Variants in ERC2 observed in about 807,000 individuals in gnomAD.
ERC2 encodes the protein ERC protein 2.
ERC2 carries 42 observed loss-of-function variants against 114.8 expected under a neutral mutation model. The observed-to-expected ratio is 0.37, with a 90% confidence interval of 0.29 to 0.47. ERC2 has a LOEUF of 0.47. Ranked by LOEUF, ERC2 falls within the 20% of genes least tolerant of loss-of-function variation. The pLI is 0.99. For synonymous variants in ERC2, 454 were observed against 425.5 expected, an observed-to-expected ratio of 1.07 and a Z score of -0.82; for missense variants, 939 against 1,150.7, an observed-to-expected ratio of 0.82 and a Z score of 2.66.
chr3:56,063,899 T>C (rs2076352104), intron 7 of ERC2, among the ~76,000 whole-genome samples: 1 of 152,218 alleles, frequency 6.6e-6, no homozygotes, highest in African/African-American at 2.4e-5. Flanking sequence ...TATCTTTCTA[T>C]ATCATTAAAT....
chr3:55,796,958 G>C (rs2070560435), intron 14 of ERC2, among the ~76,000 whole-genome samples: 1 of 152,204 alleles, frequency 6.6e-6, no homozygotes, highest in African/African-American at 2.4e-5. Context: ...GTGAGAGCAA[G>C]TAACAGGCTT....
intron 17 of ERC2, among the ~76,000 whole-genome samples, chr3:55,663,841 A>T (rs2061243618): frequency 1.3e-5 from 2 of 152,240 alleles, no homozygotes; most frequent in Non-Finnish European, 2.9e-5. Context: ...CTCTAAGCCT[A>T]GGAATGCAAG....
intron 14 of ERC2, among the ~76,000 whole-genome samples, chr3:55,751,834 G>A (rs1195233553): frequency 1.3e-5 from 2 of 152,188 alleles, no homozygotes; most frequent in Non-Finnish European, 2.9e-5. Flanking sequence ...TAACAATGGA[G>A]GAATGATGTG....
chr3:56,053,119 A>G (rs1358874429), intron 7 of ERC2, among the ~76,000 whole-genome samples: 1 of 152,180 alleles, frequency 6.6e-6, no homozygotes, highest in Non-Finnish European at 1.5e-5. Context: ...CTGATGCTCC[A>G]CTTTCTCAAG....
At chr3:56,444,268 G>A (rs1461925145) in intron 1 of ERC2, among the ~76,000 whole-genome samples, 7 of 151,654 alleles carry the variant, frequency 4.6e-5, no homozygotes, top group Non-Finnish European at 8.8e-5. Context: ...ACCACGCCCC[G>A]CCAATACCTG....
chr3:55,982,113 T>C (rs936277805), intron 12 of ERC2, among the ~76,000 whole-genome samples: 2 of 152,094 alleles, frequency 1.3e-5, no homozygotes, highest in Non-Finnish European at 2.9e-5. Flanking sequence ...AATCTCAGAA[T>C]GAAAGGAGAG....
At chr3:56,260,000 C>A (rs139830329) in intron 3 of ERC2, among the ~76,000 whole-genome samples, 229 of 152,344 alleles carry the variant, frequency 1.5e-3, no homozygotes, top group African/African-American at 4.8e-3. Flanking sequence ...GCACCCAGCA[C>A]TTGGATTCCA....
At chr3:56,227,412 C>CTT (rs796088195) in intron 3 of ERC2, among the ~76,000 whole-genome samples, 7 of 136,166 alleles carry the variant, frequency 5.1e-5, no homozygotes, top group Non-Finnish European at 8.0e-5. Context: ...CCTCTCTGCT[C>CTT]TTTTTTTTTT....
At chr3:56,242,867 G>C (rs1446446098) in intron 3 of ERC2, among the ~76,000 whole-genome samples, 1 of 152,136 alleles carries the variant, frequency 6.6e-6, no homozygotes, top group Admixed American at 6.5e-5. Context: ...GTTAATGTAT[G>C]CTTATTGGTA....
chr3:56,221,578 C>A (rs1224450779), intron 3 of ERC2, among the ~76,000 whole-genome samples: 1 of 152,148 alleles, frequency 6.6e-6, no homozygotes, highest in Non-Finnish European at 1.5e-5. Flanking sequence ...GTACTACCTA[C>A]CTCCATGTAA....
rs1027288377 is a variant in ERC2, at chr3:56,414,079, T to C, written c.657+20272A>G. Among the ~76,000 whole-genome samples the C allele has an allele frequency of 2.0e-5, 3 of 152,196 alleles. No individual in the cohort carries two copies. In the East Asian group the frequency reaches 5.8e-4, roughly 29 times the overall value. ...CTTTTTCAAGGAAGTTCAAGAACCA[T>C]GGGCAGCTGTAGAAATCCAAGTCAT... is the stretch of plus-strand genomic sequence containing the variant. On this transcript the variant is annotated intron_variant, in intron 2 of 17. Transcript: ENST00000288221.
intron 3 of ERC2, among the ~76,000 whole-genome samples, chr3:56,286,307 G>T (rs899954053): frequency 1.3e-5 from 2 of 151,520 alleles, no homozygotes; most frequent in Non-Finnish European, 2.9e-5. Flanking sequence ...CCAGCTACTT[G>T]GGAAGCTGAG....
chr3:55,782,143 A>C (rs575497272), intron 14 of ERC2, among the ~76,000 whole-genome samples: 483 of 152,078 alleles, frequency 3.2e-3, no homozygotes, highest in African/African-American at 0.011. Flanking sequence ...CCTTGGCTGG[A>C]ATTCTTTTCC....
intron 2 of ERC2, among the ~76,000 whole-genome samples, chr3:56,423,721 C>T (rs761821261): frequency 1.4e-4 from 21 of 152,054 alleles, no homozygotes; most frequent in African/African-American, 4.3e-4. Flanking sequence ...TGCCAGAATT[C>T]GGTTGTTAGA....
At position 55,963,470 on chromosome 3, in the gene ERC2, T is replaced by G. The variant is rs180856467; in HGVS notation, c.2268-12910A>C. Among the ~76,000 whole-genome samples, 4 of 152,280 alleles carry G rather than the reference T, an allele frequency of 2.6e-5. No homozygotes were observed. The East Asian group carries it at 7.7e-4, about 29-fold the overall frequency. On this transcript the variant is annotated intron_variant, in intron 12 of 17. Transcript: ENST00000288221. Reference sequence around the variant, plus strand: ...AAAAGGGCAAGGACTATAGAGATACTAGGTAACGGGTCTGAGGACAGAGCT... The same window carrying G: ...AAAAGGGCAAGGACTATAGAGATACGAGGTAACGGGTCTGAGGACAGAGCT...
chr3:55,549,787 A>G (rs1226290370), intron 17 of ERC2, among the ~76,000 whole-genome samples: 2 of 152,130 alleles, frequency 1.3e-5, no homozygotes, highest in Non-Finnish European at 1.5e-5. Context: ...CCCTGTCCTC[A>G]GCGAGCTTTG....
chr3:56,188,450 T>TC (rs2083768901), intron 3 of ERC2, among the ~76,000 whole-genome samples: 1 of 152,090 alleles, frequency 6.6e-6, no homozygotes, highest in Admixed American at 6.5e-5. Context: ...ACCCCCACGG[T>TC]CCAGATGGCT....
At chr3:56,133,925 G>C (rs887454103) in intron 6 of ERC2, among the ~76,000 whole-genome samples, 6 of 152,156 alleles carry the variant, frequency 3.9e-5, no homozygotes, top group African/African-American at 1.4e-4. Context: ...GGGTCTGTGT[G>C]ACATACCACC....
chr3:55,676,823 A>T (rs1318814851), intron 17 of ERC2, among the ~76,000 whole-genome samples: 1 of 152,286 alleles, frequency 6.6e-6, no homozygotes, highest in East Asian at 1.9e-4. Context: ...CACAGGAAGG[A>T]TGTAATGTAA....
Sources: allele counts gnomAD v4.1 joint callset (sites outside exome capture counted in the v4.1 genomes callset), GRCh38; gene constraint gnomAD v4.1.1; transcripts MANE v1.5; gene names NCBI Gene and HGNC (gene_info 2026-07-23, HGNC 2026-07-21).